The following EFNA5 variants were observed in gnomAD, a reference collection of about 807,000 sequenced individuals.
EFNA5 encodes ephrin A5, also known as ephrin-A5.
In EFNA5, 5 loss-of-function variants were observed where a neutral mutation model predicts 22.9. The observed-to-expected ratio is 0.22, with a 90% CI of 0.11 to 0.46. EFNA5 has a LOEUF of 0.46. Ranked by LOEUF, EFNA5 falls within the 20% of genes least tolerant of loss-of-function variation. The pLI, the probability that EFNA5 is intolerant of heterozygous loss-of-function variation, is 0.99. For missense variants in EFNA5, 237 were observed against 293.3 expected (o/e 0.81, Z 1.40); for synonymous variants, 113 against 112.2 (o/e 1.01, Z -0.04).
At chr5:107,479,832 T>C (rs1287145275) in intron 1 of EFNA5, among the ~76,000 whole-genome samples, 3 of 152,184 alleles carry the variant, frequency 2.0e-5, no homozygotes, top group African/African-American at 7.2e-5. Flanking sequence ...ACAAACTGAG[T>C]CTCAGACTCT....
intron 1 of EFNA5, among the ~76,000 whole-genome samples, chr5:107,565,609 G>A (rs1302452964): frequency 6.6e-6 from 1 of 152,066 alleles, no homozygotes; most frequent in Non-Finnish European, 1.5e-5. Flanking sequence ...ATATACATAT[G>A]TTTTATGTCC....
At chr5:107,506,556 G>A (rs79966059) in intron 1 of EFNA5, among the ~76,000 whole-genome samples, 48 of 152,268 alleles carry the variant, frequency 3.2e-4, no homozygotes, top group African/African-American at 1.1e-3. Context: ...GGCAATCTGG[G>A]GCCAGATGAG....
chr5:107,545,202 C>T (rs1223396619), intron 1 of EFNA5, among the ~76,000 whole-genome samples: 1 of 152,246 alleles, frequency 6.6e-6, no homozygotes, highest in African/African-American at 2.4e-5. Context: ...CTGCCTGTCA[C>T]GGTATCAGGG....
chr5:107,532,062 G>A (rs1747821504), intron 1 of EFNA5, among the ~76,000 whole-genome samples: 1 of 152,188 alleles, frequency 6.6e-6, no homozygotes, highest in Non-Finnish European at 1.5e-5. Context: ...ATAAGAGAAA[G>A]TATATTGGGC....
intron 2 of EFNA5, among the ~76,000 whole-genome samples, chr5:107,409,213 C>T (rs375833567): frequency 2.6e-5 from 4 of 152,328 alleles, no homozygotes; most frequent in South Asian, 2.1e-4. Context: ...CCTCATCTTT[C>T]GTCTTTGGAT....
intron 2 of EFNA5, among the ~76,000 whole-genome samples, chr5:107,410,714 T>C (rs555709549): frequency 6.6e-6 from 1 of 152,256 alleles, no homozygotes; most frequent in African/African-American, 2.4e-5. Context: ...TAAACAGAAA[T>C]TATAACATCT....
intron 1 of EFNA5, among the ~76,000 whole-genome samples, chr5:107,639,797 T>TA (rs902254182): frequency 2.4e-4 from 37 of 152,004 alleles, no homozygotes; most frequent in Non-Finnish European, 5.0e-4. Context: ...TTTTGTTTCT[T>TA]AAAAAAAACC....
At chr5:107,643,022 T>C (rs1750559903) in intron 1 of EFNA5, among the ~76,000 whole-genome samples, 1 of 151,366 alleles carries the variant, frequency 6.6e-6, no homozygotes, top group African/African-American at 2.4e-5. Flanking sequence ...GTCTCAGAAC[T>C]AAATTTTAAA....
At chr5:107,512,045 C>T (rs904913113) in intron 1 of EFNA5, among the ~76,000 whole-genome samples, 8 of 152,206 alleles carry the variant, frequency 5.3e-5, no homozygotes, top group Non-Finnish European at 1.2e-4. Context: ...TGCCATGATG[C>T]TATCTGTGGC....
chr5:107,584,037 G>A (rs1300990559), intron 1 of EFNA5, among the ~76,000 whole-genome samples: 1 of 152,168 alleles, frequency 6.6e-6, no homozygotes, highest in Non-Finnish European at 1.5e-5. Flanking sequence ...GGCGTCCACA[G>A]GGGATTATGT....
At chr5:107,420,906 T>C (rs1447865275) in intron 2 of EFNA5, among the ~76,000 whole-genome samples, 2 of 152,178 alleles carry the variant, frequency 1.3e-5, no homozygotes, top group African/African-American at 2.4e-5. Flanking sequence ...CTTGCACTTC[T>C]ACGAAAAACT....
intron 1 of EFNA5, among the ~76,000 whole-genome samples, chr5:107,491,390 C>T (rs1200059146): frequency 6.6e-6 from 1 of 152,220 alleles, no homozygotes; most frequent in Non-Finnish European, 1.5e-5. Flanking sequence ...CAGCTCACCA[C>T]AACCTCTGCC....
intron 1 of EFNA5, among the ~76,000 whole-genome samples, chr5:107,574,807 T>A (rs964785485): frequency 1.3e-5 from 2 of 152,212 alleles, no homozygotes; most frequent in African/African-American, 4.8e-5. Context: ...GAGATTCAAT[T>A]GTGGATGTGA....
intron 1 of EFNA5, among the ~76,000 whole-genome samples, chr5:107,525,171 T>TACA: frequency 6.6e-6 from 1 of 152,272 alleles, no homozygotes; most frequent in South Asian, 2.1e-4. Flanking sequence ...ACAATTATAT[T>TACA]ACAACTTTCA....
chr5:107,401,717 C>T (rs1224448267), intron 2 of EFNA5, among the ~76,000 whole-genome samples: 1 of 152,066 alleles, frequency 6.6e-6, no homozygotes, highest in African/African-American at 2.4e-5. Context: ...TTATGTCAAC[C>T]TGAGTTACAA....
At chr5:107,381,507 T>A in intron 4 of EFNA5, 131 bp from the exon 5 acceptor site, 1 of 1,036,184 alleles carries the variant, frequency 9.7e-7, no homozygotes, top group Non-Finnish European at 1.3e-6. Context: ...ACCATTGACT[T>A]TCATGTCTGC....
chr5:107,470,848 T>C (rs955507313), intron 1 of EFNA5, among the ~76,000 whole-genome samples: 1 of 149,270 alleles, frequency 6.7e-6, no homozygotes, highest in African/African-American at 2.5e-5. Flanking sequence ...CTAGGCAAAA[T>C]AGCAAGACCT....
intron 1 of EFNA5, among the ~76,000 whole-genome samples, chr5:107,463,218 TATC>T (rs1749881783): frequency 6.6e-6 from 1 of 152,142 alleles, no homozygotes; most frequent in Non-Finnish European, 1.5e-5. Context: ...GTAAAATAAA[TATC>T]ATATCACTAA....
intron 1 of EFNA5, among the ~76,000 whole-genome samples, chr5:107,466,397 G>A (rs568660838): frequency 1.8e-4 from 27 of 152,120 alleles, no homozygotes; most frequent in East Asian, 5.8e-4. Flanking sequence ...GCACCAGAGC[G>A]GAAATGCTGG....
Sources: gnomAD v4.1 joint callset for allele counts (sites outside exome capture counted in the v4.1 genomes callset) on GRCh38, gnomAD v4.1.1 for gene constraint, MANE v1.5 for transcripts, NCBI Gene and HGNC (gene_info 2026-07-23, HGNC 2026-07-21) for gene names.